CLASP2: variants seen among roughly 807,000 people sequenced by gnomAD.
CLASP2 encodes the protein cytoplasmic linker associated protein 2, also known as CLIP-associating protein 2.
Under a neutral mutation model 194.4 loss-of-function variants are expected in CLASP2, and 47 were observed. The ratio of observed to expected loss-of-function variants is 0.24; its 90% CI spans 0.19 to 0.31. The LOEUF (loss-of-function observed/expected upper bound fraction) is 0.31. CLASP2 is among the 10% of genes least tolerant of loss of function. The pLI is 1.00. For synonymous variants in CLASP2, 619 were observed against 633.5 expected (o/e 0.98, Z 0.34); for missense variants, 1,445 against 1,823.6 (o/e 0.79, Z 3.78).
At chr3:33,644,417 G>C in intron 8 of CLASP2, 1 of 300,260 alleles carries the variant, frequency 3.3e-6, no homozygotes, top group Non-Finnish European at 6.4e-6. Flanking sequence ...AACAGCTATT[G>C]CACTTGAAAA....
chr3:33,536,377 A>C (rs1559911285), intron 33 of CLASP2, among the ~76,000 whole-genome samples: 1 of 152,220 alleles, frequency 6.6e-6, no homozygotes, highest in Non-Finnish European at 1.5e-5. Flanking sequence ...TTCACTGAGA[A>C]GCCACTTGAA....
chr3:33,607,486 A>G (rs1374919981), intron 14 of CLASP2, 25 bp from the exon 15 acceptor site: 1 of 1,522,000 alleles, frequency 6.6e-7, no homozygotes, highest in Non-Finnish European at 9.0e-7. Flanking sequence ...ACATCTTTAG[A>G]GTTATGATAT....
intron 27 of CLASP2, among the ~76,000 whole-genome samples, chr3:33,562,850 T>C (rs978960500): frequency 2.6e-5 from 4 of 152,224 alleles, no homozygotes; most frequent in African/African-American, 9.6e-5. Flanking sequence ...AGATGGTTAA[T>C]AGCTAGGCCA....
intron 6 of CLASP2, among the ~76,000 whole-genome samples, chr3:33,676,865 C>T (rs1376916483): frequency 6.6e-6 from 1 of 152,094 alleles, no homozygotes; most frequent in Non-Finnish European, 1.5e-5. Flanking sequence ...AAGGAAAAAA[C>T]AAACAACCCC....
intron 7 of CLASP2, among the ~76,000 whole-genome samples, chr3:33,655,552 T>C (rs2084009833): frequency 6.6e-6 from 1 of 152,158 alleles, no homozygotes; most frequent in Non-Finnish European, 1.5e-5. Context: ...TAGACTTCTT[T>C]TCCCTCTATC....
At chr3:33,498,969 T>A (rs1329536740) in intron 38 of CLASP2, among the ~76,000 whole-genome samples, 1 of 152,150 alleles carries the variant, frequency 6.6e-6, no homozygotes, top group African/African-American at 2.4e-5. Flanking sequence ...GAGTATTTTA[T>A]CATGTCTTTT....
At chr3:33,645,015 T>A in intron 7 of CLASP2, 112 bp from the exon 8 acceptor site, 1 of 1,142,620 alleles carries the variant, frequency 8.8e-7, no homozygotes, top group Non-Finnish European at 1.3e-6. Context: ...TGGTAAGATA[T>A]ATAATACGAA....
chr3:33,603,471 G>C (rs1284581860), intron 17 of CLASP2, among the ~76,000 whole-genome samples: 1 of 152,096 alleles, frequency 6.6e-6, no homozygotes, highest in African/African-American at 2.4e-5. Flanking sequence ...TAAATAGAAA[G>C]CAGCAGTATT....
At chr3:33,541,297 A>C (rs1041449440) in intron 32 of CLASP2, among the ~76,000 whole-genome samples, 5 of 152,066 alleles carry the variant, frequency 3.3e-5, no homozygotes, top group Non-Finnish European at 1.5e-5. Flanking sequence ...TACACCACGG[A>C]ATACACCACA....
chr3:33,606,536 C>T, intron 16 of CLASP2, 55 bp downstream of exon 16: 1 of 1,428,958 alleles, frequency 7.0e-7, no homozygotes, highest in Non-Finnish European at 9.7e-7. Context: ...ACTTATGAAA[C>T]TTCAGGGAGT....
chr3:33,703,330 T>G (rs1372028044), intron 1 of CLASP2, among the ~76,000 whole-genome samples: 1 of 152,150 alleles, frequency 6.6e-6, no homozygotes, highest in African/African-American at 2.4e-5. Context: ...GTAAGATATA[T>G]AAACAGCAAA....
intron 15 of CLASP2, among the ~76,000 whole-genome samples, 161 bp downstream of exon 15, chr3:33,607,223 G>A (rs9856967): frequency 0.23 from 35,475 of 152,106 alleles, 5,074 homozygotes; most frequent in African/African-American, 0.37. Flanking sequence ...GTAGGAGGCT[G>A]TTAGATGTCT....
In CLASP2 at chr3:33,496,421, G is replaced by A. The variant is rs1245954024; in HGVS notation, c.*2210C>T. On this transcript the variant is annotated 3_prime_UTR_variant, in exon 39 of 39. Coordinates refer to ENST00000682230, the MANE Select transcript of CLASP2 (RefSeq NM_001365631.1). ...ATGTTTCTGGAATGAACAAATTAAG[G>A]GTGTATTGTATATAGTGATTTAAAT... The A allele has an allele frequency of 1.3e-5, 2 of 152,014 alleles. No homozygotes were observed. Among genetic ancestry groups the A allele is most frequent in the Admixed American group, 1.3e-4 (2 of 15,252 alleles). The allele number at this position is 152,014 out of a possible 1,614,324, so 9.4% of individuals were successfully genotyped here.
chr3:33,521,112 G>A (rs1214098655), intron 34 of CLASP2, among the ~76,000 whole-genome samples: 3 of 152,074 alleles, frequency 2.0e-5, no homozygotes, highest in Admixed American at 2.0e-4. Context: ...CAAATCAAGG[G>A]CAATTTGAGC....
intron 12 of CLASP2, among the ~76,000 whole-genome samples, chr3:33,615,972 A>C (rs1255104520): frequency 6.6e-6 from 1 of 152,108 alleles, no homozygotes; most frequent in Non-Finnish European, 1.5e-5. Flanking sequence ...AATAATAAAG[A>C]AAAAGCAGTG....
intron 1 of CLASP2, among the ~76,000 whole-genome samples, chr3:33,709,065 T>C (rs1575761096): frequency 6.6e-6 from 1 of 152,196 alleles, no homozygotes; most frequent in Admixed American, 6.5e-5. Context: ...CCATTTTGTT[T>C]TGTTGATTGC....
chr3:33,571,313 T>C (rs541782297), intron 25 of CLASP2, among the ~76,000 whole-genome samples: 1 of 150,372 alleles, frequency 6.7e-6, no homozygotes, highest in East Asian at 2.1e-4. Flanking sequence ...GCGCCCGGCC[T>C]GTCTCTATAA....
At chr3:33,674,089 G>A (rs576942518) in intron 6 of CLASP2, among the ~76,000 whole-genome samples, 59 of 152,172 alleles carry the variant, frequency 3.9e-4, no homozygotes, top group African/African-American at 8.9e-4. Flanking sequence ...TGCACCAAGC[G>A]GACCTAATAG....
chr3:33,513,852 G>C (rs1319764133), intron 36 of CLASP2, among the ~76,000 whole-genome samples: 1 of 152,136 alleles, frequency 6.6e-6, no homozygotes, highest in Non-Finnish European at 1.5e-5. Context: ...TCATTGCTGA[G>C]TTGTAAGAAT....
Sources: allele counts gnomAD v4.1 joint callset (sites outside exome capture counted in the v4.1 genomes callset), GRCh38; gene constraint gnomAD v4.1.1; transcripts MANE v1.5; gene names NCBI Gene and HGNC (gene_info 2026-07-23, HGNC 2026-07-21).